Variants in ALPP observed in about 807,000 individuals in gnomAD.
ALPP encodes alkaline phosphatase, placental type.
A neutral mutation model predicts 50.7 loss-of-function variants in ALPP; 39 were observed. The ratio of observed to expected loss-of-function variants is 0.77; its 90% confidence interval spans 0.60 to 1.00. The LOEUF is 1.00. ALPP is among the 50% of genes least tolerant of loss of function. ALPP has a pLI of 0.00. For missense variants in ALPP, 550 were observed against 746.8 expected, an observed-to-expected ratio of 0.74 and a Z score of 3.07; for synonymous variants, 226 against 320.3, an observed-to-expected ratio of 0.71 and a Z score of 3.14.
At position 232,378,818 on chromosome 2, in the gene ALPP, A is replaced by G; in HGVS notation, c.16A>G (p.Met6Val). 1 of 1,609,812 alleles carries G rather than the reference A, an allele frequency of 6.2e-7. No individual in the cohort carries two copies. Among genetic ancestry groups the G allele is most frequent in the South Asian group, 1.1e-5 (1 of 90,646 alleles). Reference sequence around the variant, plus strand: ...CCCTCCAGACATGCTGGGGCCCTGCATGCTGCTGCTGCTGCTGCTGCTGGG... The same window carrying G: ...CCCTCCAGACATGCTGGGGCCCTGCGTGCTGCTGCTGCTGCTGCTGCTGGG... MLGPC[M>V]LLLLLLLGLR... Residue 6 changes from methionine (M) to valine (V), a missense_variant, in exon 1 of 11, where the codon ATG becomes GTG. Around this residue, in one of 5 missense-constraint regions of ALPP, gnomAD observed 376 missense variants for 388.5 expected, o/e 0.97. Transcript: ENST00000392027.
At chr2:232,380,159 T>C (rs765165696) in intron 5 of ALPP, 27 bp from the exon 6 acceptor site, 1 of 1,613,664 alleles carries the variant, frequency 6.2e-7, no homozygotes, top group South Asian at 1.1e-5. Flanking sequence ...GGGCCCCAAA[T>C]CCACCTGCCC....
intron 7 of ALPP, 47 bp downstream of exon 7, chr2:232,380,539 G>C (rs763874310): frequency 1.2e-6 from 2 of 1,613,934 alleles, no homozygotes; most frequent in Non-Finnish European, 1.7e-6. Context: ...GGCCTCAGAT[G>C]GCACCTTCTG....
Position 232,379,550 on chromosome 2 carries a change from C to A in ALPP, c.347C>A (p.Ala116Asp). 1 of 1,614,120 alleles carries A rather than the reference C, an allele frequency of 6.2e-7. No homozygotes were observed. Among genetic ancestry groups the A allele is most frequent in the South Asian group, 1.1e-5 (1 of 91,070 alleles). Residue 116 changes from alanine (A) to aspartate (D), a missense_variant, in exon 4 of 11, where the codon GCC (alanine) becomes GAC (aspartate). Ala to Asp is a moderately radical substitution (Grantham distance 126, BLOSUM62 -2). Around this residue, in one of 5 missense-constraint regions of ALPP, gnomAD observed 376 missense variants for 388.5 expected, o/e 0.97. Coordinates refer to ENST00000392027, the MANE Select transcript of ALPP (RefSeq NM_001632.5). ...NVDKHVPDSG[A>D]TATAYLCGVK... ...GACAAACATGTGCCAGACAGTGGAG[C>A]CACAGCCACGGCCTACCTGTGCGGG...
At chr2:232,380,540 G>A (rs1696688121) in intron 7 of ALPP, 48 bp downstream of exon 7, 7 of 1,613,788 alleles carry the variant, frequency 4.3e-6, no homozygotes, top group Non-Finnish European at 5.9e-6. Flanking sequence ...GCCTCAGATG[G>A]CACCTTCTGA....
At chr2:232,380,061 A>G in intron 5 of ALPP, 125 bp downstream of exon 5, 1 of 1,571,536 alleles carries the variant, frequency 6.4e-7, no homozygotes, top group Non-Finnish European at 8.6e-7. Context: ...TTGTGGGCGT[A>G]GAAGGTGCAG....
rs866327795 is a variant in ALPP at position 232,382,145 on chromosome 2, C to G, written c.*350C>G. The G allele has an allele frequency of 2.5e-6, 1 of 401,276 alleles. No homozygotes were observed. Among genetic ancestry groups the G allele is most frequent in the African/African-American group, 2.1e-5 (1 of 48,056 alleles). The allele number at this position is 401,276 out of a possible 1,614,324, so 24.9% of individuals were successfully genotyped here. ...GGGGAAAAGAAGCACCCAGACCCCG[C>G]GCCCCGCTGATCTTTGCTTCAGTCC... On this transcript the variant is annotated 3_prime_UTR_variant, in exon 11 of 11. Transcript: ENST00000392027.
rs551899564 is a variant in ALPP at position 232,381,366 on chromosome 2, C to A, written c.1308C>A (p.Ser436Arg). The A allele has an allele frequency of 3.1e-6, 5 of 1,614,026 alleles. No individual in the cohort carries two copies. Among genetic ancestry groups the A allele is most frequent in the Non-Finnish European group, 4.2e-6 (5 of 1,180,034 alleles). The change falls in exon 10 of 11, where the codon AGC becomes AGA. Residue 436 changes from serine (S) to arginine (R), a missense_variant and splice_region_variant. By Grantham distance (110) the Ser-to-Arg change is moderately radical. This residue lies in a region of ALPP where 155 missense variants were observed against 167.6 expected (regional missense o/e 0.92). Coordinates refer to ENST00000392027, the MANE Select transcript of ALPP (RefSeq NM_001632.5). ...GGCCGGATGTTACCGAGAGCGAGAG[C>A]GGTGAGTGCCGCGGGGTGGCCCCCT... ...GARPDVTESE[S>R]GSPEYRQQSA...
At position 232,379,470 on chromosome 2, in the gene ALPP, C is replaced by T. The variant is rs765221160; in HGVS notation, c.310-43C>T. ...GGACAGAGATCAGGGTCTGGGTCTC[C>T]GTGTCTGCCCCAGAGAAGAGCTCAG... On this transcript the variant is annotated intron_variant, in intron 3 of 10. Coordinates refer to ENST00000392027, the MANE Select transcript of ALPP (RefSeq NM_001632.5). The T allele has an allele frequency of 2.1e-5, 33 of 1,609,186 alleles. No homozygotes were observed. In the East Asian group the frequency reaches 3.3e-4, roughly 16 times the overall value.
chr2:232,381,702 C>A lies in ALPP; in HGVS notation c.1515C>A (p.Thr505=). The A allele has an allele frequency of 6.2e-7, 1 of 1,607,068 alleles. No individual in the cohort carries two copies. The highest frequency in any genetic ancestry group is 2.2e-5 in the East Asian group (1 of 44,770). ...ACDLAPPAGT[T]DAAHPGRSVV... is the part of the protein sequence containing the mutation. ...ACCTGGCGCCCCCCGCCGGCACCAC[C>A]GACGCCGCGCACCCGGGGCGGTCCG... The change falls in exon 11 of 11, where the codon ACC becomes ACA. Residue 505 remains threonine, a synonymous_variant. Coordinates refer to ENST00000392027, the MANE Select transcript of ALPP (RefSeq NM_001632.5).
At position 232,379,654 on chromosome 2, in the gene ALPP, G is replaced by T. The variant is rs747908816; in HGVS notation, c.451G>T (p.Val151Phe). 1.9e-6 allele frequency: 3 copies of T among 1,613,850 alleles called. No homozygotes were observed. The African/African-American group carries it at 4.0e-5, about 22-fold the overall frequency. The part of the protein sequence containing the change: ...NQCNTTRGNE[V>F]ISVMNRAKKA... ...GTGCAACACGACACGCGGCAACGAG[G>T]TCATCTCCGTGATGAATCGGGCCAA... Residue 151 changes from valine (V) to phenylalanine (F), a missense_variant, in exon 4 of 11, where the codon GTC (valine) becomes TTC (phenylalanine). This residue lies in a region of ALPP where 376 missense variants were observed against 388.5 expected (regional missense o/e 0.97). Transcript: ENST00000392027.
chr2:232,380,136 A>T, intron 5 of ALPP, 50 bp from the exon 6 acceptor site: 1 of 1,613,190 alleles, frequency 6.2e-7, no homozygotes, highest in Non-Finnish European at 8.5e-7. Context: ...AGGAGGGGGC[A>T]CGGGGCCAGC....
At position 232,381,899 on chromosome 2, in the gene ALPP, C is replaced by T; in HGVS notation, c.*104C>T. 1 of 1,463,150 alleles carries T rather than the reference C, an allele frequency of 6.8e-7. No individual in the cohort carries two copies. The highest frequency in any genetic ancestry group is 9.0e-7 in the Non-Finnish European group (1 of 1,108,272). 90.6% of individuals were successfully genotyped at this position (1,463,150 alleles called of 1,614,324 possible). On this transcript the variant is annotated 3_prime_UTR_variant, in exon 11 of 11. Coordinates refer to ENST00000392027, the MANE Select transcript of ALPP (RefSeq NM_001632.5). The stretch of plus-strand genomic sequence containing the variant: ...CAGCCCGAGTCGTCATCCCCGGAGT[C>T]CCTATACAGAGGTCCTGCCATGGAA...
chr2:232,378,826 G>T lies in ALPP; in HGVS notation c.24G>T (p.Leu8=). Residue 8 remains leucine, a synonymous_variant, in exon 1 of 11, where the codon CTG becomes CTT. Transcript: ENST00000392027. ...ACATGCTGGGGCCCTGCATGCTGCT[G>T]CTGCTGCTGCTGCTGGGCCTGAGGC... is the stretch of plus-strand genomic sequence containing the variant. MLGPCML[L]LLLLLGLRLQ... is the part of the protein sequence containing the mutation. 6.2e-7 allele frequency: 1 copy of T among 1,613,724 alleles called. No individual in the cohort carries two copies. Among genetic ancestry groups the T allele is most frequent in the Non-Finnish European group, 8.5e-7 (1 of 1,179,770 alleles).
At position 232,380,323 on chromosome 2, in the gene ALPP, G is replaced by A. The variant is rs1258477883; in HGVS notation, c.792+3G>A. The A allele has an allele frequency of 1.2e-6, 2 of 1,613,552 alleles. No individual in the cohort carries two copies. Among genetic ancestry groups the A allele is most frequent in the Non-Finnish European group, 1.7e-6 (2 of 1,179,930 alleles). On this transcript the variant is annotated splice_donor_region_variant and intron_variant, in intron 6 of 10. Transcript: ENST00000392027. Reference sequence around the variant, plus strand: ...AGGAATGGCTGGCGAAGCGCCAGGTGATGGGGGCTGGCGGGTGCAGGGGGC... The same window carrying A: ...AGGAATGGCTGGCGAAGCGCCAGGTAATGGGGGCTGGCGGGTGCAGGGGGC...
chr2:232,381,789 T>A lies in ALPP; in HGVS notation c.1602T>A (p.Ala534=), dbSNP rs1696722186. The A allele has an allele frequency of 1.3e-6, 2 of 1,573,554 alleles. No individual in the cohort carries two copies. Residue 534 remains alanine (A), a synonymous_variant, in exon 11 of 11, where the codon GCT becomes GCA. Transcript: ENST00000392027. ...GTLLLLETAT[A]P ...TGCTGCTGCTGGAGACGGCCACTGC[T>A]CCCTGAGTGTCCCGTCCCTGGGGCT...
Position 232,381,539 on chromosome 2 carries a change from A to G in ALPP, c.1352A>G (p.Glu451Gly), listed in dbSNP as rs1048994. Residue 451 changes from glutamate to glycine, a missense_variant, in exon 11 of 11, where the codon GAA becomes GGA. Glu to Gly is a moderately conservative substitution (Grantham distance 98, BLOSUM62 -2). Around this residue, in one of 5 missense-constraint regions of ALPP, gnomAD observed 155 missense variants for 167.6 expected, o/e 0.92. Coordinates refer to ENST00000392027, the MANE Select transcript of ALPP (RefSeq NM_001632.5). ...YRQQSAVPLDEETHAGEDVAV... is the reference protein window; with the variant it reads ...YRQQSAVPLDGETHAGEDVAV... ...CAGCAGTCAGCAGTGCCCCTGGACG[A>G]AGAGACCCACGCAGGCGAGGACGTG... 4,051 of 1,595,290 alleles carry G rather than the reference A, an allele frequency of 2.5e-3. 29 individuals are homozygous for G. Among genetic ancestry groups the G allele is most frequent in the African/African-American group, 5.3e-3 (386 of 72,722 alleles).
At position 232,380,444 on chromosome 2, in the gene ALPP, A is replaced by C; in HGVS notation, c.817A>C (p.Thr273Pro). 1 of 1,613,692 alleles carries C rather than the reference A, an allele frequency of 6.2e-7. No homozygotes were observed. Among genetic ancestry groups the C allele is most frequent in the Non-Finnish European group, 8.5e-7 (1 of 1,179,896 alleles). Reference sequence around the variant, plus strand: ...GGGTGCCCGGTATGTGTGGAACCGCACTGAGCTCATGCAGGCTTCCCTGGA... The same window carrying C: ...GGGTGCCCGGTATGTGTGGAACCGCCCTGAGCTCATGCAGGCTTCCCTGGA... ...RQGARYVWNR[T>P]ELMQASLDPS... is the part of the protein sequence containing the mutation. The change falls in exon 7 of 11, where the codon ACT (threonine) becomes CCT (proline). Residue 273 changes from threonine (T) to proline (P), a missense_variant. This residue lies in a region of ALPP where 376 missense variants were observed against 388.5 expected (regional missense o/e 0.97). Coordinates refer to ENST00000392027, the MANE Select transcript of ALPP (RefSeq NM_001632.5).
Position 232,382,145 on chromosome 2 carries a change from C to A in ALPP, c.*350C>A, listed in dbSNP as rs866327795. ...GGGGAAAAGAAGCACCCAGACCCCG[C>A]GCCCCGCTGATCTTTGCTTCAGTCC... On this transcript the variant is annotated 3_prime_UTR_variant, in exon 11 of 11. Coordinates refer to ENST00000392027, the MANE Select transcript of ALPP (RefSeq NM_001632.5). 7 of 401,276 alleles carry A rather than the reference C, an allele frequency of 1.7e-5. No individual in the cohort carries two copies. The highest frequency in any genetic ancestry group is 3.1e-5 in the Non-Finnish European group (7 of 223,558). The allele number at this position is 401,276 out of a possible 1,614,324, so 24.9% of individuals were successfully genotyped here.
At chr2:232,380,140 G>A (rs755391442) in intron 5 of ALPP, 46 bp from the exon 6 acceptor site, 4 of 1,613,302 alleles carry the variant, frequency 2.5e-6, no homozygotes, top group Non-Finnish European at 2.5e-6. Flanking sequence ...GGGGGCACGG[G>A]GCCAGCCAGG....
Sources: allele counts gnomAD v4.1 joint callset, GRCh38; gene constraint gnomAD v4.1.1; regional missense constraint gnomAD v4.1.1; transcripts MANE v1.5; gene names NCBI Gene and HGNC (gene_info 2026-07-23, HGNC 2026-07-21).